Variants in SCNN1B observed in about 807,000 individuals in gnomAD.
The protein encoded by SCNN1B is epithelial sodium channel subunit beta.
Under a neutral mutation model 65.3 loss-of-function variants are expected in SCNN1B, and 46 were observed. The ratio of observed to expected loss-of-function variants is 0.70; its 90% confidence interval spans 0.56 to 0.90. SCNN1B has a LOEUF of 0.90. Ranked by LOEUF, SCNN1B falls within the 40% of genes least tolerant of loss-of-function variation. The probability of loss-of-function intolerance (pLI) is 0.00; values close to 1 mark genes in which losing one functional copy is unlikely to be tolerated. For missense variants in SCNN1B, 751 were observed against 830.5 expected (o/e 0.90, Z 1.18); for synonymous variants, 349 against 330.6 (o/e 1.06, Z -0.60).
At chr16:23,378,289 C>T (rs1197593976) in intron 10 of SCNN1B, among the ~76,000 whole-genome samples, 1 of 152,242 alleles carries the variant, frequency 6.6e-6, no homozygotes, top group African/African-American at 2.4e-5. Context: ...GGATTACAGG[C>T]ATGAGCCACC....
chr16:23,368,056 A>AGG (rs3214467), intron 5 of SCNN1B, 97 bp downstream of exon 5: 3 of 959,590 alleles, frequency 3.1e-6, no homozygotes, highest in Non-Finnish European at 5.1e-6. Context: ...GGTGGGACTG[A>AGG]GGGGGGACCA....
chr16:23,377,313 T>C lies in SCNN1B; in HGVS notation c.1347-16T>C. 2 of 1,614,196 alleles carry C rather than the reference T, an allele frequency of 1.2e-6. No homozygotes were observed. Among genetic ancestry groups the C allele is most frequent in the Non-Finnish European group, 1.7e-6 (2 of 1,180,022 alleles). On this transcript the variant is annotated splice_polypyrimidine_tract_variant and intron_variant, in intron 9 of 12. Transcript: ENST00000343070. ...TCACTGGCAGGGACCACAACAGGCCTGGCCTTCTCTTTCAGTGACACCCAG... is the reference window on the plus strand; with the variant it reads ...TCACTGGCAGGGACCACAACAGGCCCGGCCTTCTCTTTCAGTGACACCCAG...
intron 1 of SCNN1B, among the ~76,000 whole-genome samples, chr16:23,324,348 C>A (rs555855498): frequency 1.3e-5 from 2 of 152,136 alleles, no homozygotes; most frequent in South Asian, 4.2e-4. Flanking sequence ...CCACTTCACC[C>A]AACTAATTTC....
intron 1 of SCNN1B, among the ~76,000 whole-genome samples, chr16:23,329,069 G>C (rs1022187419): frequency 2.0e-5 from 3 of 150,418 alleles, no homozygotes; most frequent in Admixed American, 6.7e-5. Context: ...CAAAGTGCTG[G>C]GATTACAGGC....
intron 2 of SCNN1B, among the ~76,000 whole-genome samples, chr16:23,291,509 T>C (rs1780456453): frequency 6.6e-6 from 1 of 151,728 alleles, no homozygotes; most frequent in African/African-American, 2.4e-5. Flanking sequence ...TGTGTAGGTA[T>C]ACATACCCAT....
chr16:23,376,098 A>T (rs1378971878), intron 8 of SCNN1B, among the ~76,000 whole-genome samples: 2 of 152,258 alleles, frequency 1.3e-5, no homozygotes, highest in Admixed American at 1.3e-4. Context: ...CATAGAATGC[A>T]CGTGTCCTTG....
At chr16:23,279,014 G>C (rs1176428729) in intron 1 of SCNN1B, among the ~76,000 whole-genome samples, 1 of 151,914 alleles carries the variant, frequency 6.6e-6, no homozygotes, top group East Asian at 1.9e-4. Context: ...AAAAAGGGGA[G>C]GGGGCGGGTG....
chr16:23,366,874 A>AT (rs1292865071), intron 4 of SCNN1B, among the ~76,000 whole-genome samples: 2 of 152,214 alleles, frequency 1.3e-5, no homozygotes, highest in African/African-American at 4.8e-5. Context: ...ACATCAAGAG[A>AT]TATTTTTTAA....
chr16:23,375,225 G>C (rs1962868696), intron 7 of SCNN1B, among the ~76,000 whole-genome samples: 1 of 152,096 alleles, frequency 6.6e-6, no homozygotes, highest in Admixed American at 6.5e-5. Context: ...CACTTCCTCT[G>C]TCATCAGCTG....
At chr16:23,354,730 G>A (rs1962381622) in intron 3 of SCNN1B, among the ~76,000 whole-genome samples, 1 of 152,230 alleles carries the variant, frequency 6.6e-6, no homozygotes, top group Non-Finnish European at 1.5e-5. Context: ...GTGTGTGTGT[G>A]AGCATAAGTG....
In SCNN1B at chr16:23,380,570, G is replaced by A. The variant is rs34842432; in HGVS notation, c.1692G>A (p.Gln564=). Residue 564 remains glutamine (Q), a synonymous_variant, in exon 13 of 13, where the codon CAG becomes CAA. Coordinates refer to ENST00000343070, the MANE Select transcript of SCNN1B (RefSeq NM_000336.3). This position sits in a 1 kb window ranked among gnomAD's most constrained non-coding sequence, Gnocchi z 5.4. ...KLVALAKSLR[Q]RRAQASYAGP... ...TGGCCTTGGCCAAGAGCCTACGGCA[G>A]CGGCGAGCCCAAGCCAGCTACGCTG... is the stretch of plus-strand genomic sequence containing the variant. The A allele has an allele frequency of 2.5e-6, 4 of 1,614,082 alleles. No homozygotes were observed. Among genetic ancestry groups the A allele is most frequent in the Admixed American group, 1.7e-5 (1 of 60,012 alleles).
At chr16:23,317,205 T>C in intron 1 of SCNN1B, among the ~76,000 whole-genome samples, 1 of 152,226 alleles carries the variant, frequency 6.6e-6, no homozygotes, top group Middle Eastern at 3.2e-3. Context: ...ATGATCACAG[T>C]TCCTCCTCAC....
At chr16:23,378,504 C>T (rs1962960687) in intron 10 of SCNN1B, among the ~76,000 whole-genome samples, 1 of 152,134 alleles carries the variant, frequency 6.6e-6, no homozygotes, top group Admixed American at 6.6e-5. Context: ...GAGGAAGAGT[C>T]TGGAGGCCCG....
At chr16:23,366,757 C>T (rs1259031652) in intron 4 of SCNN1B, among the ~76,000 whole-genome samples, 1 of 152,166 alleles carries the variant, frequency 6.6e-6, no homozygotes, top group South Asian at 2.1e-4. Flanking sequence ...CTCCTGGGCT[C>T]AAGTGATCCT....
intron 1 of SCNN1B, among the ~76,000 whole-genome samples, chr16:23,319,454 G>A (rs377609163): frequency 6.6e-6 from 1 of 150,930 alleles, no homozygotes; most frequent in Non-Finnish European, 1.5e-5. Flanking sequence ...CAGCTTGTGA[G>A]TTAAGAATGG....
In SCNN1B at chr16:23,377,341, C is replaced by T; in HGVS notation, c.1359C>T (p.Tyr453=). 6.2e-7 allele frequency: 1 copy of T among 1,614,216 alleles called. No homozygotes were observed. The highest frequency in any genetic ancestry group is 8.5e-7 in the Non-Finnish European group (1 of 1,180,034). ...MCKESCNDTQ[Y]KMTISMADWP... ...CCTTCTCTTTCAGTGACACCCAGTA[C>T]AAGATGACCATCTCCATGGCTGACT... is the stretch of plus-strand genomic sequence containing the variant. Residue 453 remains tyrosine, a synonymous_variant, in exon 10 of 13, where the codon TAC becomes TAT. Coordinates refer to ENST00000343070, the MANE Select transcript of SCNN1B (RefSeq NM_000336.3).
intron 1 of SCNN1B, among the ~76,000 whole-genome samples, chr16:23,305,572 ATATAT>A (rs1961194369): frequency 2.5e-4 from 8 of 31,392 alleles, no homozygotes; most frequent in Non-Finnish European, 3.7e-4. Context: ...ATATATATAT[ATATAT>A]TATATATATA....
chr16:23,315,328 AGT>A (rs902173751), intron 1 of SCNN1B, among the ~76,000 whole-genome samples: 5 of 151,298 alleles, frequency 3.3e-5, no homozygotes, highest in Admixed American at 1.3e-4. Context: ...CAAGAGCGAA[AGT>A]CTGTCTCAAA....
chr16:23,279,935 C>T (rs1319514241), intron 1 of SCNN1B, among the ~76,000 whole-genome samples: 1 of 152,206 alleles, frequency 6.6e-6, no homozygotes, highest in African/African-American at 2.4e-5. Flanking sequence ...TGCCTACTAG[C>T]ACTGTTTTCA....
Sources: allele counts gnomAD v4.1 joint callset (sites outside exome capture counted in the v4.1 genomes callset), GRCh38; gene constraint gnomAD v4.1.1; non-coding constraint Gnocchi (gnomAD v3.1); transcripts MANE v1.5; gene names NCBI Gene and HGNC (gene_info 2026-07-23, HGNC 2026-07-21).